The following SHROOM4 variants were observed in gnomAD, a reference collection of about 807,000 sequenced individuals.
SHROOM4 encodes the protein shroom family member 4, also known as protein Shroom4.
In SHROOM4, 17 loss-of-function variants were observed where a neutral mutation model predicts 80.3. The ratio of observed to expected loss-of-function variants is 0.21; its 90% CI spans 0.14 to 0.32. SHROOM4 has a LOEUF of 0.32. Among genes scored for constraint, SHROOM4 ranks in the 10% least tolerant of loss-of-function variants. The pLI is 1.00. For missense variants in SHROOM4, 993 were observed against 1,140.3 expected (o/e 0.87, Z 1.86); for synonymous variants, 400 against 437.5 (o/e 0.91, Z 1.07).
chrX:50,776,787 C>G (rs1557270162), intron 1 of SHROOM4, among the ~76,000 whole-genome samples: 1 of 109,233 alleles, frequency 9.2e-6, no homozygotes, highest in Non-Finnish European at 1.9e-5. Flanking sequence ...CTCCTGGGCT[C>G]AAGCCATCCT....
At chrX:50,791,143 A>G (rs1364465883) in intron 1 of SHROOM4, among the ~76,000 whole-genome samples, 1 of 111,271 alleles carries the variant, frequency 9.0e-6, no homozygotes, top group Non-Finnish European at 1.9e-5. Flanking sequence ...ACATGCAAAA[A>G]TCAACAGTGT....
In SHROOM4 at chrX:50,596,622, ACTG is replaced by A. The variant is rs782498402; in HGVS notation, c.*70_*72del. On this transcript the variant is annotated 3_prime_UTR_variant, in exon 9 of 9. Coordinates refer to ENST00000376020, the MANE Select transcript of SHROOM4 (RefSeq NM_020717.5). ...CTAATTGCTATCTACTTGCTGAGAA[ACTG>A]CTAACAAAGAAGATTGAAAGCACTT... 8.5e-7 allele frequency: 1 copy of A among 1,175,419 alleles called. No homozygotes were observed. Among genetic ancestry groups the A allele is most frequent in the Admixed American group, 2.2e-5 (1 of 45,784 alleles).
intron 1 of SHROOM4, among the ~76,000 whole-genome samples, chrX:50,765,308 G>A (rs1375350685): frequency 1.8e-5 from 2 of 112,193 alleles, no homozygotes; most frequent in African/African-American, 6.5e-5. Context: ...TTCATTAGGT[G>A]TATGCTCATA....
chrX:50,790,857 G>A (rs190613941), intron 1 of SHROOM4, among the ~76,000 whole-genome samples: 1 of 111,556 alleles, frequency 9.0e-6, no homozygotes, highest in Admixed American at 9.5e-5. Context: ...GAAAAGCTGA[G>A]TTTTTCCTCT....
chrX:50,632,520 G>A (rs896934466), intron 4 of SHROOM4, among the ~76,000 whole-genome samples: 1 of 111,895 alleles, frequency 8.9e-6, no homozygotes, highest in Non-Finnish European at 1.9e-5. Flanking sequence ...TCATAACCGG[G>A]ATATAAGAGC....
intron 1 of SHROOM4, among the ~76,000 whole-genome samples, chrX:50,704,505 C>T (rs1933605153): frequency 8.9e-6 from 1 of 111,957 alleles, no homozygotes; most frequent in African/African-American, 3.2e-5. Flanking sequence ...GAATCTGAAC[C>T]ATCCCAAAGC....
intron 1 of SHROOM4, among the ~76,000 whole-genome samples, chrX:50,749,958 C>G (rs1934872199): frequency 9.0e-6 from 1 of 111,436 alleles, no homozygotes; most frequent in Non-Finnish European, 1.9e-5. Context: ...TTGAGGGTTA[C>G]CAAAGCCACA....
At chrX:50,653,790 C>T (rs1410008615) in intron 2 of SHROOM4, among the ~76,000 whole-genome samples, 3 of 111,695 alleles carry the variant, frequency 2.7e-5, no homozygotes, top group Non-Finnish European at 3.8e-5. Context: ...TGAGCTTTAT[C>T]GAAGGCCTTT....
chrX:50,609,771 C>A (rs1557249457), intron 5 of SHROOM4, among the ~76,000 whole-genome samples: 1 of 108,194 alleles, frequency 9.2e-6, no homozygotes, highest in African/African-American at 3.4e-5. Context: ...TAAGAAAAAC[C>A]TATCAGAAAA....
In SHROOM4 at chrX:50,743,545, C is replaced by T. The variant is rs782422587; in HGVS notation, c.118-47608G>A. 2.4e-4 allele frequency among the ~76,000 whole-genome samples: 26 copies of T among 110,403 alleles called. 1 individual carries two copies. Among genetic ancestry groups the T allele is most frequent in the Middle Eastern group, 4.7e-3 (1 of 214 alleles). On this transcript the variant is annotated intron_variant, in intron 1 of 8. Coordinates refer to ENST00000376020, the MANE Select transcript of SHROOM4 (RefSeq NM_020717.5). ...ATCATGGCTCACTGCAGCCTTAACC[C>T]GGGCTCAAGCGACCCCCACACCCCA... is the stretch of plus-strand genomic sequence containing the variant.
intron 1 of SHROOM4, among the ~76,000 whole-genome samples, chrX:50,812,317 T>TA (rs34184946): frequency 0.29 from 19,223 of 66,366 alleles, 2,553 homozygotes; most frequent in Non-Finnish European, 0.33. Flanking sequence ...GTGTTTTTGT[T>TA]AAAAAAAAAA....
chrX:50,793,806 G>A (rs782110666), intron 1 of SHROOM4, among the ~76,000 whole-genome samples: 81 of 110,055 alleles, frequency 7.4e-4, no homozygotes, highest in Non-Finnish European at 1.3e-3. Context: ...AATTAAAGCA[G>A]GGCTACCTGG....
intron 4 of SHROOM4, among the ~76,000 whole-genome samples, chrX:50,629,882 C>T (rs5961202): frequency 0.26 from 28,045 of 109,760 alleles, 3,223 homozygotes; most frequent in East Asian, 0.44. Context: ...GTCATCAGAG[C>T]GATGGCATCT....
At chrX:50,745,785 G>T (rs1934762161) in intron 1 of SHROOM4, among the ~76,000 whole-genome samples, 1 of 111,594 alleles carries the variant, frequency 9.0e-6, no homozygotes, top group African/African-American at 3.3e-5. Context: ...CATAAAGTTG[G>T]GAGGAGGAAT....
chrX:50,658,648 C>T (rs782189765), intron 2 of SHROOM4, among the ~76,000 whole-genome samples: 2 of 111,404 alleles, frequency 1.8e-5, no homozygotes, highest in East Asian at 5.7e-4. Flanking sequence ...ACTATTCTAA[C>T]CTCCCTCCTC....
Position 50,635,688 on chromosome X carries a change from CT to C in SHROOM4, c.405-21del, listed in dbSNP as rs782470581. On this transcript the variant is annotated intron_variant, in intron 3 of 8. Coordinates refer to ENST00000376020, the MANE Select transcript of SHROOM4 (RefSeq NM_020717.5). ...ACGTCACTGTAAGACACAGGGCATA[CT>C]GGTTAGTTAGCGAAGTCATGGCCAG... 1 of 1,198,289 alleles carries C rather than the reference CT, an allele frequency of 8.3e-7. No individual in the cohort carries two copies. Among genetic ancestry groups the C allele is most frequent in the South Asian group, 1.8e-5 (1 of 55,954 alleles).
In SHROOM4 at chrX:50,633,206, G is replaced by C. The variant is rs151180678; in HGVS notation, c.2867C>G (p.Thr956Ser). ...LEDSSLAPGN[T>S]WKPRKLTVQE... The stretch of plus-strand genomic sequence containing the variant: ...CACTGTCAGCTTCCTGGGTTTCCAA[G>C]TGTTGCCAGGTGCCAAGCTGCTGTC... Residue 956 changes from threonine (T) to serine (S), a missense_variant, in exon 4 of 9, where the codon ACT becomes AGT. Physicochemically the swap from Thr to Ser is moderately conservative, Grantham distance 58. Transcript: ENST00000376020. 55 of 1,209,526 alleles carry C rather than the reference G, an allele frequency of 4.5e-5. No homozygotes were observed. The African/African-American group carries it at 7.7e-4, about 17-fold the overall frequency.
chrX:50,707,737 C>A (rs1933714747), intron 1 of SHROOM4, among the ~76,000 whole-genome samples: 1 of 106,748 alleles, frequency 9.4e-6, no homozygotes, highest in Non-Finnish European at 1.9e-5. Context: ...TCTTTTTCTT[C>A]CTTCTTCTTT....
chrX:50,660,236 T>C (rs1443482500), intron 2 of SHROOM4, among the ~76,000 whole-genome samples: 2 of 111,721 alleles, frequency 1.8e-5, no homozygotes, highest in Non-Finnish European at 3.8e-5. Flanking sequence ...TTCATATACC[T>C]ACAAGTCACC....
Sources: allele counts gnomAD v4.1 joint callset (sites outside exome capture counted in the v4.1 genomes callset), GRCh38; gene constraint gnomAD v4.1.1; transcripts MANE v1.5; gene names NCBI Gene and HGNC (gene_info 2026-07-23, HGNC 2026-07-21).